The following CFAP91 variants were observed in gnomAD, a reference collection of about 807,000 sequenced individuals.
CFAP91 encodes cilia- and flagella-associated protein 91.
CFAP91 carries 85 observed loss-of-function variants against 95.9 expected under a neutral mutation model. The observed-to-expected ratio is 0.89, with a 90% CI of 0.74 to 1.06. The LOEUF (loss-of-function observed/expected upper bound fraction) is 1.06, where lower values mean the gene tolerates loss of function less well. Ranked by LOEUF, CFAP91 falls within the 50% of genes least tolerant of loss-of-function variation. CFAP91 has a pLI of 0.00. For synonymous variants in CFAP91, 335 were observed against 327.5 expected (o/e 1.02, Z -0.25); for missense variants, 962 against 943.4 (o/e 1.02, Z -0.26).
At chr3:119,713,779 G>T (rs1289314572) in intron 5 of CFAP91, among the ~76,000 whole-genome samples, 1 of 152,048 alleles carries the variant, frequency 6.6e-6, no homozygotes, top group African/African-American at 2.4e-5. Context: ...GTTTTAAAAT[G>T]TAAAAATGGA....
At chr3:119,704,452 T>C (rs981782573) in intron 1 of CFAP91, among the ~76,000 whole-genome samples, 1 of 152,206 alleles carries the variant, frequency 6.6e-6, no homozygotes, top group Non-Finnish European at 1.5e-5. Flanking sequence ...GATGCTGTGC[T>C]CTCCTGCTTT....
intron 16 of CFAP91, chr3:119,749,165 C>CATT (rs1180708665): frequency 1.3e-5 from 2 of 152,158 alleles, no homozygotes; most frequent in Non-Finnish European, 2.9e-5. Flanking sequence ...GCTTCAAAGC[C>CATT]ATTACACCCT....
chr3:119,754,867 T>A (rs545305007), intron 17 of CFAP91, among the ~76,000 whole-genome samples: 2 of 152,186 alleles, frequency 1.3e-5, no homozygotes, highest in African/African-American at 2.4e-5. Context: ...GCCATGGGAA[T>A]GATGTTGCCA....
At chr3:119,703,427 A>G (rs1456721955) in intron 1 of CFAP91, among the ~76,000 whole-genome samples, 1 of 152,182 alleles carries the variant, frequency 6.6e-6, no homozygotes, top group Non-Finnish European at 1.5e-5. Flanking sequence ...GTTCGGGTAC[A>G]TCGAAAGGCG....
intron 16 of CFAP91, chr3:119,750,219 GT>G (rs1198591058): frequency 6.6e-6 from 1 of 152,126 alleles, no homozygotes; most frequent in Non-Finnish European, 1.5e-5. Flanking sequence ...ATATCTCTGT[GT>G]CCATGTTTCT....
Position 119,732,360 on chromosome 3 carries a change from A to G in CFAP91, c.1085A>G (p.Lys362Arg), listed in dbSNP as rs1041726947. Residue 362 changes from lysine to arginine, a missense_variant, in exon 9 of 18, where the codon AAG becomes AGG. Lys to Arg is a conservative substitution (Grantham distance 26). Transcript: ENST00000273390. ...EGKLERRNII[K>R]DYSDYASQVY... ...AAGTTGGAGAGAAGAAATATCATCA[A>G]GGATTATTCTGATTATGCATCACAG... The G allele has an allele frequency of 6.2e-7, 1 of 1,611,984 alleles. No homozygotes were observed. Among genetic ancestry groups the G allele is most frequent in the Non-Finnish European group, 8.5e-7 (1 of 1,178,816 alleles).
At position 119,739,339 on chromosome 3, in the gene CFAP91, A is replaced by T; in HGVS notation, c.1533+13A>T. The T allele has an allele frequency of 6.2e-7, 1 of 1,612,596 alleles. No homozygotes were observed. Among genetic ancestry groups the T allele is most frequent in the Non-Finnish European group, 8.5e-7 (1 of 1,178,734 alleles). ...CGTTCAGAACATGGTGTGTAGGTCC[A>T]ACCGCTGGCCCTGCATTTCTCTTTT... On this transcript the variant is annotated intron_variant, in intron 12 of 17. Transcript: ENST00000273390.
intron 17 of CFAP91, among the ~76,000 whole-genome samples, chr3:119,754,666 A>G (rs1387074934): frequency 6.6e-6 from 1 of 152,262 alleles, no homozygotes; most frequent in African/African-American, 2.4e-5. Flanking sequence ...CAGGAGATCC[A>G]GAGATCATCA....
intron 4 of CFAP91, 78 bp downstream of exon 4, chr3:119,708,752 A>G (rs2053421176): frequency 1.1e-6 from 1 of 876,248 alleles, no homozygotes; most frequent in Non-Finnish European, 1.8e-6. Context: ...AATAGTTATC[A>G]TTTTTCAGTG....
chr3:119,759,927 T>C (rs1229487398), intron 17 of CFAP91, among the ~76,000 whole-genome samples: 2 of 151,688 alleles, frequency 1.3e-5, no homozygotes, highest in African/African-American at 4.8e-5. Flanking sequence ...CTAGAGAAAG[T>C]CACCTAATTA....
intron 6 of CFAP91, among the ~76,000 whole-genome samples, chr3:119,723,883 G>C (rs1159563291): frequency 6.6e-6 from 1 of 150,794 alleles, no homozygotes; most frequent in African/African-American, 2.4e-5. Flanking sequence ...TAAATAGCCA[G>C]GCATGATGGC....
In CFAP91 at chr3:119,765,381, T is replaced by G. The variant is rs567021372; in HGVS notation, c.*331T>G. The G allele has an allele frequency of 6.6e-6, 1 of 152,160 alleles. No homozygotes were observed. The highest frequency in any genetic ancestry group is 2.4e-5 in the African/African-American group (1 of 41,438). 9.4% of individuals were successfully genotyped at this position (152,160 alleles called of 1,614,324 possible). ...TGTTGTGGAATATTTTTCCAAGTAG[T>G]TTTGGTTCACTATTCACAGGACATT... On this transcript the variant is annotated 3_prime_UTR_variant, in exon 18 of 18. Coordinates refer to ENST00000273390, the MANE Select transcript of CFAP91 (RefSeq NM_033364.4).
chr3:119,750,635 T>C (rs1334636269), intron 16 of CFAP91: 5 of 382,444 alleles, frequency 1.3e-5, no homozygotes, highest in Non-Finnish European at 2.4e-5. Flanking sequence ...GTGGTAAATC[T>C]GGGCTGATGT....
rs777995446 is a variant in CFAP91 at position 119,747,248 on chromosome 3, A to C, written c.2036A>C (p.Tyr679Ser). 1 of 1,613,552 alleles carries C rather than the reference A, an allele frequency of 6.2e-7. No individual in the cohort carries two copies. The highest frequency in any genetic ancestry group is 1.1e-5 in the South Asian group (1 of 90,934). Residue 679 changes from tyrosine (Y) to serine (S), a missense_variant, in exon 15 of 18, where the codon TAT becomes TCT. Tyr to Ser is a moderately radical substitution (Grantham distance 144). Coordinates refer to ENST00000273390, the MANE Select transcript of CFAP91 (RefSeq NM_033364.4). ...KMAEKINDIA[Y>S]EMESRRTYLQ... ...GCTGAGAAAATCAATGACATTGCTTATGAAATGGAAAGCCGGTGTGTATCA... is the reference window on the plus strand; with the variant it reads ...GCTGAGAAAATCAATGACATTGCTTCTGAAATGGAAAGCCGGTGTGTATCA...
At chr3:119,707,863 T>C (rs75972513) in intron 3 of CFAP91, among the ~76,000 whole-genome samples, 2,235 of 152,014 alleles carry the variant, frequency 0.015, 28 homozygotes, top group Middle Eastern at 0.055. Context: ...GTATCTAAAA[T>C]ATTTTTTGGG....
chr3:119,757,656 A>G (rs2054458888), intron 17 of CFAP91, among the ~76,000 whole-genome samples: 2 of 152,210 alleles, frequency 1.3e-5, no homozygotes, highest in South Asian at 4.1e-4. Flanking sequence ...CAATAATAAT[A>G]AAAATAAAAT....
At position 119,740,835 on chromosome 3, in the gene CFAP91, TTGTG is replaced by T. The variant is rs57901016; in HGVS notation, c.1680+177_1680+180del. 3,463 of 513,756 alleles carry T rather than the reference TTGTG, an allele frequency of 6.7e-3. 2 individuals are homozygous for T. The highest frequency in any genetic ancestry group is 0.048 in the East Asian group (1,014 of 21,298). 31.8% of individuals were successfully genotyped at this position (513,756 alleles called of 1,614,324 possible). A position where few individuals can be genotyped will look rare whatever the true frequency, so the allele number is the denominator to read the frequency against. On this transcript the variant is annotated intron_variant, in intron 13 of 17. Coordinates refer to ENST00000273390, the MANE Select transcript of CFAP91 (RefSeq NM_033364.4). ...CACAATCCCATCACTCTGTCAGCAT[TTGTG>T]TGTGTGTGTGTGTGTGTGTGTGTGT... is the stretch of plus-strand genomic sequence containing the variant.
chr3:119,744,171 GGGA>G lies in CFAP91; in HGVS notation c.1884_1886del (p.Glu628del). On this transcript the variant is annotated inframe_deletion, in exon 14 of 18. Coordinates refer to ENST00000273390, the MANE Select transcript of CFAP91 (RefSeq NM_033364.4). ...CGCCAGGTGGAAAAACAGCGCCTGC[GGGA>G]GGAGGACGAGATATTTAAGGAGGCA... 6.2e-7 allele frequency: 1 copy of G among 1,613,362 alleles called. No homozygotes were observed. Among genetic ancestry groups the G allele is most frequent in the Non-Finnish European group, 8.5e-7 (1 of 1,179,544 alleles).
At chr3:119,723,798 G>T (rs9811271) in intron 6 of CFAP91, among the ~76,000 whole-genome samples, 3 of 152,222 alleles carry the variant, frequency 2.0e-5, no homozygotes, top group Non-Finnish European at 4.4e-5. Context: ...TAAAACAGGC[G>T]TAATTATGTT....
Sources: gnomAD v4.1 joint callset for allele counts (sites outside exome capture counted in the v4.1 genomes callset) on GRCh38, gnomAD v4.1.1 for gene constraint, MANE v1.5 for transcripts, NCBI Gene and HGNC (gene_info 2026-07-23, HGNC 2026-07-21) for gene names.